The following PTDSS1 variants were observed in gnomAD, a reference collection of about 807,000 sequenced individuals.
PTDSS1 encodes phosphatidylserine synthase 1.
A neutral mutation model predicts 70.5 loss-of-function variants in PTDSS1; 45 were observed. That is an observed-to-expected ratio of 0.64 (90% CI 0.50 to 0.82). PTDSS1 has a LOEUF of 0.82. PTDSS1 is among the 40% of genes least tolerant of loss of function. PTDSS1 has a pLI of 0.00. For missense variants in PTDSS1, 417 were observed against 586.1 expected, an observed-to-expected ratio of 0.71 and a Z score of 2.98; for synonymous variants, 188 against 203.8, an observed-to-expected ratio of 0.92 and a Z score of 0.66.
In PTDSS1 at chr8:96,277,862, G is replaced by A. The variant is rs1299542294; in HGVS notation, c.271+4472G>A. Among the ~76,000 whole-genome samples the A allele has an allele frequency of 2.0e-5, 3 of 152,202 alleles. No homozygotes were observed. The East Asian group carries it at 5.8e-4, about 29-fold the overall frequency. ...CTCCATAGGATTTTATAATAGTCAG[G>A]ATGCTTTTGACTGCAAGTGATAGAA... On this transcript the variant is annotated intron_variant, in intron 2 of 12. Transcript: ENST00000517309.
chr8:96,279,281 G>A (rs1488440473), intron 2 of PTDSS1, among the ~76,000 whole-genome samples: 1 of 151,726 alleles, frequency 6.6e-6, no homozygotes, highest in African/African-American at 2.4e-5. Flanking sequence ...ACACCTGGCT[G>A]CACTCAGCAC....
At chr8:96,278,438 T>C (rs1358404759) in intron 2 of PTDSS1, among the ~76,000 whole-genome samples, 1 of 152,168 alleles carries the variant, frequency 6.6e-6, no homozygotes, top group Admixed American at 6.5e-5. Flanking sequence ...CCCAGAGTTC[T>C]TTCATTCAGT....
At chr8:96,303,916 A>G (rs1811084750) in intron 6 of PTDSS1, 124 bp from the exon 7 acceptor site, 1 of 1,077,728 alleles carries the variant, frequency 9.3e-7, no homozygotes, top group Non-Finnish European at 1.3e-6. Flanking sequence ...ATTCAAATAA[A>G]AAGCAGTCTC....
intron 4 of PTDSS1, among the ~76,000 whole-genome samples, chr8:96,294,538 G>A (rs1810948615): frequency 6.6e-6 from 1 of 152,032 alleles, no homozygotes; most frequent in Non-Finnish European, 1.5e-5. Context: ...TTTTTGGGGA[G>A]GGGAGTTCTC....
chr8:96,299,414 T>C (rs1811020074), intron 5 of PTDSS1, among the ~76,000 whole-genome samples: 1 of 152,168 alleles, frequency 6.6e-6, no homozygotes, highest in Non-Finnish European at 1.5e-5. Context: ...AATTAATTGG[T>C]AGTATTTTTC....
intron 9 of PTDSS1, among the ~76,000 whole-genome samples, chr8:96,315,100 C>T (rs1563580194): frequency 6.6e-6 from 1 of 152,192 alleles, no homozygotes; most frequent in Non-Finnish European, 1.5e-5. Flanking sequence ...TTGTTTATGC[C>T]ACACTTAGCT....
intron 9 of PTDSS1, among the ~76,000 whole-genome samples, chr8:96,311,576 A>G (rs909404277): frequency 2.6e-5 from 4 of 152,094 alleles, no homozygotes; most frequent in Admixed American, 6.6e-5. Flanking sequence ...TAGATTCTGA[A>G]GGGTGACATA....
chr8:96,311,076 T>C (rs936561791), intron 9 of PTDSS1, among the ~76,000 whole-genome samples: 5 of 152,204 alleles, frequency 3.3e-5, no homozygotes, highest in African/African-American at 4.8e-5. Context: ...TTAAATGTTA[T>C]ATTTTAATTT....
At chr8:96,279,915 C>T (rs752530904) in intron 2 of PTDSS1, among the ~76,000 whole-genome samples, 1 of 151,984 alleles carries the variant, frequency 6.6e-6, no homozygotes, top group Non-Finnish European at 1.5e-5. Context: ...CTCAAATTTT[C>T]CTAGAAGAAC....
At chr8:96,330,170 A>C in intron 10 of PTDSS1, 43 bp from the exon 11 acceptor site, 1 of 1,546,000 alleles carries the variant, frequency 6.5e-7, no homozygotes, top group Non-Finnish European at 8.9e-7. Context: ...AGTTCTGGGA[A>C]ATTGAACTTT....
At chr8:96,320,225 C>G in intron 9 of PTDSS1, 21 bp from the exon 10 acceptor site, 1 of 1,549,902 alleles carries the variant, frequency 6.5e-7, no homozygotes, top group Non-Finnish European at 8.9e-7. Flanking sequence ...AATACTTAAC[C>G]TCTGTTCTCT....
chr8:96,274,142 ATT>A (rs905402341), intron 2 of PTDSS1, among the ~76,000 whole-genome samples: 151 of 135,510 alleles, frequency 1.1e-3, no homozygotes, highest in African/African-American at 3.7e-3. Context: ...CTTGTCTTCT[ATT>A]TTTTTTTTTT....
intron 10 of PTDSS1, among the ~76,000 whole-genome samples, chr8:96,322,477 C>A (rs934893634): frequency 6.6e-6 from 1 of 152,040 alleles, no homozygotes; most frequent in Non-Finnish European, 1.5e-5. Flanking sequence ...CCCACTCCCA[C>A]GATCACTAAA....
rs1811552349 is a variant in PTDSS1 at position 96,333,660 on chromosome 8, C to T, written c.*94C>T. ...CTCCCCGTGAGGAGGTCGAGGCGCACAGGGCAAGCAGGAAGAGGCGAGGGC... is the reference window on the plus strand; with the variant it reads ...CTCCCCGTGAGGAGGTCGAGGCGCATAGGGCAAGCAGGAAGAGGCGAGGGC... On this transcript the variant is annotated 3_prime_UTR_variant, in exon 13 of 13. Transcript: ENST00000517309. The T allele has an allele frequency of 8.4e-7, 1 of 1,193,770 alleles. No homozygotes were observed. The highest frequency in any genetic ancestry group is 1.8e-5 in the Admixed American group (1 of 56,200). The allele number at this position is 1,193,770 out of a possible 1,614,324, so 73.9% of individuals were successfully genotyped here. A position where few individuals can be genotyped will look rare whatever the true frequency, so the allele number is the denominator to read the frequency against.
intron 10 of PTDSS1, among the ~76,000 whole-genome samples, chr8:96,324,026 A>C (rs1811406415): frequency 6.6e-6 from 1 of 152,184 alleles, no homozygotes. Flanking sequence ...CATTGCCCTC[A>C]GGCTGCACAC....
intron 9 of PTDSS1, among the ~76,000 whole-genome samples, chr8:96,317,895 G>A (rs796362798): frequency 2.4e-4 from 7 of 29,538 alleles, no homozygotes; most frequent in African/African-American, 8.0e-4. Flanking sequence ...GTGTGTGTGT[G>A]TGTGTGTGTG....
chr8:96,272,236 A>ATTGTT (rs976783721), intron 1 of PTDSS1, among the ~76,000 whole-genome samples: 16 of 150,916 alleles, frequency 1.1e-4, no homozygotes, highest in Non-Finnish European at 1.2e-4. Flanking sequence ...ATGATTGTTG[A>ATTGTT]TTGTTTTGTT....
At chr8:96,300,154 C>G (rs1486545281) in intron 6 of PTDSS1, among the ~76,000 whole-genome samples, 1 of 152,156 alleles carries the variant, frequency 6.6e-6, no homozygotes, top group African/African-American at 2.4e-5. Flanking sequence ...TTCAGACTCC[C>G]ATCCCTGGAT....
chr8:96,296,760 T>A (rs1220280556), intron 5 of PTDSS1, among the ~76,000 whole-genome samples: 1 of 152,222 alleles, frequency 6.6e-6, no homozygotes, highest in East Asian at 1.9e-4. Context: ...CAGCCTTGCT[T>A]CCTTAGGTGA....
Sources: gnomAD v4.1 joint callset for allele counts (sites outside exome capture counted in the v4.1 genomes callset) on GRCh38, gnomAD v4.1.1 for gene constraint, MANE v1.5 for transcripts, NCBI Gene and HGNC (gene_info 2026-07-23, HGNC 2026-07-21) for gene names.